LRBA: variants seen among roughly 807,000 people sequenced by gnomAD.
LRBA encodes LPS responsive beige-like anchor protein, also known as lipopolysaccharide-responsive and beige-like anchor protein.
A neutral mutation model predicts 330.0 loss-of-function variants in LRBA; 176 were observed. The ratio of observed to expected loss-of-function variants is 0.53; its 90% confidence interval spans 0.47 to 0.60. The LOEUF (loss-of-function observed/expected upper bound fraction) is 0.60, where lower values mean the gene tolerates loss of function less well. Among genes scored for constraint, LRBA ranks in the 20% least tolerant of loss-of-function variants. The pLI is 0.00. For synonymous variants in LRBA, 1,230 were observed against 1,193.0 expected (o/e 1.03, Z -0.64); for missense variants, 3,259 against 3,444.8 (o/e 0.95, Z 1.35).
At chr4:150,940,781 A>G (rs1183313868) in intron 2 of LRBA, among the ~76,000 whole-genome samples, 1 of 151,776 alleles carries the variant, frequency 6.6e-6, no homozygotes, top group Non-Finnish European at 1.5e-5. Flanking sequence ...TAAAAGTTCT[A>G]TTTGTTGTTA....
chr4:150,625,533 C>T (rs907658692), intron 37 of LRBA, among the ~76,000 whole-genome samples: 1 of 151,948 alleles, frequency 6.6e-6, no homozygotes, highest in Non-Finnish European at 1.5e-5. Context: ...ACCTGCTCCA[C>T]TGTTCACAAA....
chr4:150,342,166 C>A (rs1024879056), intron 48 of LRBA, among the ~76,000 whole-genome samples: 5 of 151,634 alleles, frequency 3.3e-5, no homozygotes, highest in Non-Finnish European at 7.4e-5. Flanking sequence ...TTGGGTTTTA[C>A]GTTTTTCAAA....
chr4:150,817,771 G>A (rs968317450), intron 30 of LRBA, among the ~76,000 whole-genome samples: 34 of 151,790 alleles, frequency 2.2e-4, no homozygotes, highest in African/African-American at 7.0e-4. Context: ...AAAACCATAC[G>A]CAAAAATATC....
chr4:150,849,051 T>A (rs1750257084), intron 25 of LRBA, 53 bp from the exon 26 acceptor site: 4 of 1,257,928 alleles, frequency 3.2e-6, no homozygotes, highest in Non-Finnish European at 4.4e-6. Context: ...AAAAAAAATT[T>A]TACCAGATAT....
intron 46 of LRBA, among the ~76,000 whole-genome samples, chr4:150,420,473 C>T (rs1460178549): frequency 4.6e-5 from 3 of 65,014 alleles, no homozygotes; most frequent in Non-Finnish European, 8.9e-5. Flanking sequence ...ATATAATACA[C>T]ATTATAATAT....
At chr4:150,925,629 T>C (rs910092718) in intron 4 of LRBA, among the ~76,000 whole-genome samples, 1 of 152,198 alleles carries the variant, frequency 6.6e-6, no homozygotes, top group African/African-American at 2.4e-5. Context: ...ACAATATCAA[T>C]ACTGTTTTAA....
At chr4:150,483,508 T>TA (rs34867623) in intron 42 of LRBA, among the ~76,000 whole-genome samples, 92,157 of 151,128 alleles carry the variant, frequency 0.61, 31,042 homozygotes, top group Non-Finnish European at 0.75. Flanking sequence ...TTTTTTAAGT[T>TA]AAAAAAATAG....
At chr4:150,426,553 T>C (rs1749639484) in intron 46 of LRBA, among the ~76,000 whole-genome samples, 1 of 151,936 alleles carries the variant, frequency 6.6e-6, no homozygotes, top group African/African-American at 2.4e-5. Context: ...GTGAGGCTCA[T>C]ATGGGATAAT....
rs768830356 is a variant in LRBA at position 150,817,202 on chromosome 4, T to C, written c.5227A>G (p.Ser1743Gly). 13 of 1,612,326 alleles carry C rather than the reference T, an allele frequency of 8.1e-6. No individual in the cohort carries two copies. The highest frequency in any genetic ancestry group is 1.3e-5 in the African/African-American group (1 of 74,960). ...ACACTGACAGCATTGGTAGGTATGC[T>C]TGTATTAAAGGTGGAAGGTGAGACT... ...SAVSPSTFNT[S>G]IPTNAVSVVS... The change falls in exon 31 of 57, where the codon AGC becomes GGC. Residue 1743 changes from serine (S) to glycine (G), a missense_variant. Physicochemically the swap from Ser to Gly is moderately conservative, Grantham distance 56. Transcript: ENST00000651943.
At chr4:151,014,896 G>C in intron 1 of LRBA, 35 bp from the exon 2 acceptor site, 1 of 437,158 alleles carries the variant, frequency 2.3e-6, no homozygotes, top group Non-Finnish European at 4.1e-6. Flanking sequence ...AAATAGGCTA[G>C]GTTTTGTTTT....
At chr4:150,985,343 T>C (rs895002508) in intron 2 of LRBA, among the ~76,000 whole-genome samples, 1 of 151,546 alleles carries the variant, frequency 6.6e-6, no homozygotes, top group African/African-American at 2.4e-5. Flanking sequence ...ATGAGAAAAG[T>C]TCCACCATGG....
chr4:150,422,312 A>C (rs1460187301), intron 46 of LRBA, among the ~76,000 whole-genome samples: 4 of 152,126 alleles, frequency 2.6e-5, no homozygotes, highest in Non-Finnish European at 5.9e-5. Context: ...TGTTGGGAGC[A>C]CAACTGTTTC....
chr4:150,992,033 A>C (rs1742145336), intron 2 of LRBA, among the ~76,000 whole-genome samples: 1 of 152,150 alleles, frequency 6.6e-6, no homozygotes, highest in Admixed American at 6.6e-5. Context: ...AAAAGTAACA[A>C]GGCTGGGCGC....
intron 35 of LRBA, among the ~76,000 whole-genome samples, chr4:150,760,565 A>G (rs1011226929): frequency 6.6e-6 from 1 of 152,032 alleles, no homozygotes; most frequent in African/African-American, 2.4e-5. Context: ...ACACACACAC[A>G]CACACACACA....
chr4:150,976,210 T>C (rs1219461543), intron 2 of LRBA, among the ~76,000 whole-genome samples: 1 of 126,480 alleles, frequency 7.9e-6, no homozygotes, highest in East Asian at 2.2e-4. Context: ...AAAAGGAGAG[T>C]AGAAAGAGAC....
intron 38 of LRBA, among the ~76,000 whole-genome samples, chr4:150,592,223 A>G (rs72959814): frequency 0.03 from 4,404 of 148,818 alleles, 192 homozygotes; most frequent in African/African-American, 0.099. Flanking sequence ...GAAAGAATAA[A>G]GCAGTCAATT....
At chr4:150,309,564 C>T (rs1394067081) in intron 52 of LRBA, among the ~76,000 whole-genome samples, 3 of 152,168 alleles carry the variant, frequency 2.0e-5, no homozygotes, top group Admixed American at 6.6e-5. Context: ...AATTTCTCAA[C>T]GTTTCTCAAT....
At chr4:150,978,757 G>A (rs1740501472) in intron 2 of LRBA, among the ~76,000 whole-genome samples, 1 of 152,162 alleles carries the variant, frequency 6.6e-6, no homozygotes. Context: ...GAATGCATCA[G>A]AGTCTCTTAA....
At chr4:150,626,125 A>G (rs1581850471) in intron 37 of LRBA, among the ~76,000 whole-genome samples, 1 of 152,090 alleles carries the variant, frequency 6.6e-6, no homozygotes, top group East Asian at 1.9e-4. Flanking sequence ...GCTACTGAGC[A>G]GCTGTGGAAA....
Sources: gnomAD v4.1 joint callset for allele counts (sites outside exome capture counted in the v4.1 genomes callset) on GRCh38, gnomAD v4.1.1 for gene constraint, MANE v1.5 for transcripts, NCBI Gene and HGNC (gene_info 2026-07-23, HGNC 2026-07-21) for gene names.